GYG1: variants seen among roughly 807,000 people sequenced by gnomAD.
The protein encoded by GYG1 is glycogenin-1.
A neutral mutation model predicts 41.9 loss-of-function variants in GYG1; 44 were observed. The observed-to-expected ratio is 1.05, with a 90% CI of 0.83 to 1.35. The LOEUF (loss-of-function observed/expected upper bound fraction) is 1.35. Ranked by LOEUF, GYG1 falls within the 40% of genes most tolerant of loss-of-function variation. The pLI is 0.00. For missense variants in GYG1, 429 were observed against 418.9 expected, an observed-to-expected ratio of 1.02 and a Z score of -0.21; for synonymous variants, 141 against 158.1, an observed-to-expected ratio of 0.89 and a Z score of 0.81.
At chr3:148,992,339 C>CTAA (rs1407781524) in intron 1 of GYG1, 1 of 152,508 alleles carries the variant, frequency 6.6e-6, no homozygotes, top group Non-Finnish European at 1.5e-5. Flanking sequence ...GTCATTGAGG[C>CTAA]TAATAGCCAG....
At chr3:149,013,032 T>TGTGTGTGTGTGTGTG (rs61477065) in intron 5 of GYG1, among the ~76,000 whole-genome samples, 8 of 150,928 alleles carry the variant, frequency 5.3e-5, no homozygotes, top group African/African-American at 1.5e-4. Context: ...TGTGTGTGTG[T>TGTGTGTGTGTGTGTG]TTTATAGAGA....
In GYG1 at chr3:148,996,834, C is replaced by A; in HGVS notation, c.411C>A (p.Phe137Leu). Residue 137 changes from phenylalanine (F) to leucine (L), a missense_variant, in exon 4 of 8, where the codon TTC (phenylalanine) becomes TTA (leucine). Coordinates refer to ENST00000345003, the MANE Select transcript of GYG1 (RefSeq NM_004130.4). ...GWPDCFNSGV[F>L]VYQPSVETYN... The stretch of plus-strand genomic sequence containing the variant: ...CTGACTGCTTCAATTCCGGAGTCTT[C>A]GTTTATCAGCCTTCAGTTGAAACAT... The A allele has an allele frequency of 6.2e-7, 1 of 1,613,420 alleles. No individual in the cohort carries two copies. Among genetic ancestry groups the A allele is most frequent in the Non-Finnish European group, 8.5e-7 (1 of 1,179,374 alleles).
At chr3:149,005,928 C>T (rs1200031899) in intron 4 of GYG1, among the ~76,000 whole-genome samples, 2 of 152,096 alleles carry the variant, frequency 1.3e-5, no homozygotes, top group Admixed American at 1.3e-4. Flanking sequence ...TCAGATTTCA[C>T]CAGTTTTATA....
intron 4 of GYG1, among the ~76,000 whole-genome samples, chr3:149,005,375 T>TA (rs1462541914): frequency 5.9e-5 from 9 of 152,216 alleles, no homozygotes; most frequent in Non-Finnish European, 1.3e-4. Context: ...TTATTTTATT[T>TA]ACTTTCTTGT....
rs750396146 is a variant in GYG1 at position 148,996,852 on chromosome 3, T to C, written c.429T>C (p.Val143=). Residue 143 remains valine (V), a synonymous_variant, in exon 4 of 8, where the codon GTT becomes GTC. Transcript: ENST00000345003. ...GAGTCTTCGTTTATCAGCCTTCAGT[T>C]GAAACATACAATCAGCTGTTGCATC... is the stretch of plus-strand genomic sequence containing the variant. ...NSGVFVYQPS[V]ETYNQLLHLA... is the part of the protein sequence containing the mutation. The C allele has an allele frequency of 4.3e-6, 7 of 1,613,710 alleles. No homozygotes were observed. The African/African-American group carries it at 8.0e-5, about 18-fold the overall frequency.
chr3:149,024,066 G>A lies in GYG1; in HGVS notation c.622G>A (p.Ala208Thr). ...TTCACTTGGCAGGTTTGGTGCAAGTGCCAAAGTTGTGCATTTCCTGGGACG... is the reference window on the plus strand; with the variant it reads ...TTCACTTGGCAGGTTTGGTGCAAGTACCAAAGTTGTGCATTTCCTGGGACG... ...LPAFKVFGAS[A>T]KVVHFLGRVK... Residue 208 changes from alanine to threonine, a missense_variant, in exon 6 of 8, where the codon GCC becomes ACC. By Grantham distance (58) the Ala-to-Thr change is moderately conservative (BLOSUM62 0). Transcript: ENST00000345003. 2.5e-6 allele frequency: 4 copies of A among 1,613,900 alleles called. No individual in the cohort carries two copies. Among genetic ancestry groups the A allele is most frequent in the Non-Finnish European group, 3.4e-6 (4 of 1,179,768 alleles).
intron 4 of GYG1, among the ~76,000 whole-genome samples, chr3:149,003,114 ATTTTT>A (rs34946711): frequency 1.5e-5 from 2 of 130,040 alleles, no homozygotes; most frequent in Non-Finnish European, 3.3e-5. Context: ...TTTTACTATA[ATTTTT>A]TTTTTTTTTT....
intron 4 of GYG1, among the ~76,000 whole-genome samples, chr3:149,002,668 G>A (rs1713158401): frequency 6.6e-6 from 1 of 152,082 alleles, no homozygotes; most frequent in South Asian, 2.1e-4. Context: ...TTAATCCTTA[G>A]CATGCTCACT....
intron 4 of GYG1, chr3:149,001,618 A>G (rs964105997): frequency 6.6e-6 from 1 of 152,210 alleles, no homozygotes; most frequent in Non-Finnish European, 1.5e-5. Flanking sequence ...ATCCATTCAT[A>G]TAACAAATAT....
chr3:149,001,435 T>G (rs1010300474), intron 4 of GYG1: 1 of 152,242 alleles, frequency 6.6e-6, no homozygotes, highest in African/African-American at 2.4e-5. Flanking sequence ...GAATATACTT[T>G]TTTAACTTAG....
At position 148,994,103 on chromosome 3, in the gene GYG1, A is replaced by G. The variant is rs1217098396; in HGVS notation, c.8-39A>G. On this transcript the variant is annotated intron_variant, in intron 1 of 7. Coordinates refer to ENST00000345003, the MANE Select transcript of GYG1 (RefSeq NM_004130.4). ...CTGGGGAAAAGGCTTTCTCCAGATA[A>G]GATACTGTAATGAGTGTTTTTTTTT... 5 of 1,594,032 alleles carry G rather than the reference A, an allele frequency of 3.1e-6. No individual in the cohort carries two copies. In the Admixed American group the frequency reaches 5.0e-5, roughly 16 times the overall value.
intron 4 of GYG1, among the ~76,000 whole-genome samples, chr3:149,007,387 T>G (rs1281478530): frequency 6.6e-6 from 1 of 152,252 alleles, no homozygotes; most frequent in African/African-American, 2.4e-5. Context: ...TTAGAACTTA[T>G]AAGAGTGAAA....
At position 148,994,171 on chromosome 3, in the gene GYG1, G is replaced by A. The variant is rs1046264003; in HGVS notation, c.37G>A (p.Asp13Asn). 1 of 1,613,478 alleles carries A rather than the reference G, an allele frequency of 6.2e-7. No homozygotes were observed. Among genetic ancestry groups the A allele is most frequent in the East Asian group, 2.2e-5 (1 of 44,858 alleles). Residue 13 changes from aspartate (D) to asparagine (N), a missense_variant, in exon 2 of 8, where the codon GAT (aspartate) becomes AAT (asparagine). By Grantham distance (23) the Asp-to-Asn change is conservative. Coordinates refer to ENST00000345003, the MANE Select transcript of GYG1 (RefSeq NM_004130.4). ...GGCCTTTGTGACACTAACCACAAAC[G>A]ATGCCTACGCCAAAGGTGCCCTGGT... ...DQAFVTLTTNDAYAKGALVLG... is the reference protein window; with the variant it reads ...DQAFVTLTTNNAYAKGALVLG...
rs577712843 is a variant in GYG1 at position 148,994,521 on chromosome 3, G to C, written c.143+244G>C. 8.4e-5 allele frequency among the ~76,000 whole-genome samples: 4 copies of C among 47,532 alleles called. No homozygotes were observed. In the East Asian group the frequency reaches 1.6e-3, roughly 19 times the overall value. The allele number at this position is 47,532 out of a possible 152,430, so 31.2% of individuals were successfully genotyped here. A position where few individuals can be genotyped will look rare whatever the true frequency, so the allele number is the denominator to read the frequency against. The stretch of plus-strand genomic sequence containing the variant: ...CCACACTTTCTGGTTCCAACTAGGA[G>C]GGGAAAGAAGGAGTCGTCTTCCTTC... On this transcript the variant is annotated intron_variant, in intron 2 of 7. Coordinates refer to ENST00000345003, the MANE Select transcript of GYG1 (RefSeq NM_004130.4).
chr3:149,020,170 GTCTT>G (rs1398414587), intron 5 of GYG1, among the ~76,000 whole-genome samples: 2 of 152,278 alleles, frequency 1.3e-5, no homozygotes, highest in East Asian at 1.9e-4. Flanking sequence ...CTTCTGAAAA[GTCTT>G]TCTTCAGTCT....
chr3:148,992,486 T>C (rs949794007), intron 1 of GYG1: 1 of 152,338 alleles, frequency 6.6e-6, no homozygotes, highest in African/African-American at 2.4e-5. Context: ...TCTGGTGTTC[T>C]AACCTGTGTT....
chr3:149,026,664 A>G, intron 7 of GYG1, 96 bp from the exon 8 acceptor site: 1 of 1,076,370 alleles, frequency 9.3e-7, no homozygotes, highest in South Asian at 1.3e-5. Flanking sequence ...ACTTTGCATG[A>G]TGATTCATCC....
chr3:148,991,753 C>T (rs900473472), intron 1 of GYG1, 106 bp downstream of exon 1: 1 of 927,770 alleles, frequency 1.1e-6, no homozygotes, highest in Non-Finnish European at 1.6e-6. Context: ...CCCGGCAGGA[C>T]GAAACCGCCG....
chr3:149,003,332 T>C (rs772810731), intron 4 of GYG1, among the ~76,000 whole-genome samples: 3 of 151,962 alleles, frequency 2.0e-5, no homozygotes, highest in Non-Finnish European at 4.4e-5. Flanking sequence ...GCCAGGCTGG[T>C]CTTGAACTCC....
Sources: gnomAD v4.1 joint callset for allele counts (sites outside exome capture counted in the v4.1 genomes callset) on GRCh38, gnomAD v4.1.1 for gene constraint, MANE v1.5 for transcripts, NCBI Gene and HGNC (gene_info 2026-07-23, HGNC 2026-07-21) for gene names.